Variants in CACNA1D observed in about 807,000 individuals in gnomAD.
The protein encoded by CACNA1D is calcium voltage-gated channel subunit alpha1 D.
Under a neutral mutation model 257.1 loss-of-function variants are expected in CACNA1D, and 55 were observed. That is an observed-to-expected ratio of 0.21 (90% CI 0.17 to 0.27). The LOEUF (loss-of-function observed/expected upper bound fraction) is 0.27, where lower values mean the gene tolerates loss of function less well. Ranked by LOEUF, CACNA1D falls within the 10% of genes least tolerant of loss-of-function variation. The probability of loss-of-function intolerance (pLI) is 1.00; values close to 1 mark genes in which losing one functional copy is unlikely to be tolerated. For missense variants in CACNA1D, 1,876 were observed against 2,784.0 expected, an observed-to-expected ratio of 0.67 and a Z score of 7.34; for synonymous variants, 980 against 1,014.9, an observed-to-expected ratio of 0.97 and a Z score of 0.65.
rs73086217 is a variant in CACNA1D, at chr3:53,561,357, C to A, written c.483+59637C>A. 2.2e-3 allele frequency among the ~76,000 whole-genome samples: 336 copies of A among 152,284 alleles called. 2 individuals are homozygous for A. The highest frequency in any genetic ancestry group is 2.7e-3 in the Non-Finnish European group (187 of 68,014). Reference sequence around the variant, plus strand: ...TCATGAATTATTGCATAACTCTGGGCAAACCTCTTCATTTCTCAAGGTCTT... The same window carrying A: ...TCATGAATTATTGCATAACTCTGGGAAAACCTCTTCATTTCTCAAGGTCTT... On this transcript the variant is annotated intron_variant, in intron 3 of 47. Coordinates refer to ENST00000350061, the MANE Select transcript of CACNA1D (RefSeq NM_001128840.3).
chr3:53,571,772 A>G (rs1405724020), intron 3 of CACNA1D, among the ~76,000 whole-genome samples: 8 of 152,072 alleles, frequency 5.3e-5, no homozygotes, highest in Admixed American at 3.9e-4. Context: ...TAAGACAATG[A>G]GTTTTATTGC....
chr3:53,640,464 C>T (rs1210896237), intron 3 of CACNA1D, among the ~76,000 whole-genome samples: 1 of 152,138 alleles, frequency 6.6e-6, no homozygotes, highest in Admixed American at 6.5e-5. Context: ...TTCTGTTTCT[C>T]CTTTTGTGTA....
At chr3:53,642,225 TC>T (rs1385258754) in intron 3 of CACNA1D, among the ~76,000 whole-genome samples, 1 of 152,214 alleles carries the variant, frequency 6.6e-6, no homozygotes, top group Admixed American at 6.5e-5. Context: ...TGGCTTGGCT[TC>T]CCTTGGTGGG....
intron 3 of CACNA1D, among the ~76,000 whole-genome samples, chr3:53,612,686 G>T (rs2093596052): frequency 6.6e-6 from 1 of 152,096 alleles, no homozygotes. Context: ...CTACATTCCA[G>T]ACTGTTTCCT....
At chr3:53,805,588 G>C (rs1480602396) in intron 45 of CACNA1D, among the ~76,000 whole-genome samples, 1 of 152,092 alleles carries the variant, frequency 6.6e-6, no homozygotes. Context: ...TGTGCCGCAG[G>C]CCTGTCTTGC....
At chr3:53,544,220 TTCTC>T (rs1575814323) in intron 3 of CACNA1D, among the ~76,000 whole-genome samples, 1 of 152,284 alleles carries the variant, frequency 6.6e-6, no homozygotes, top group East Asian at 1.9e-4. Flanking sequence ...CCCTCAGTCT[TTCTC>T]TCCTTCCCCA....
In CACNA1D at chr3:53,573,341, A is replaced by G. The variant is rs116252132; in HGVS notation, c.483+71621A>G. Reference sequence around the variant, plus strand: ...CTGTACCTTCCCCTCACTCCTCCACACTTGTCTCCTTGCTGTTCCTCAGCC... The same window carrying G: ...CTGTACCTTCCCCTCACTCCTCCACGCTTGTCTCCTTGCTGTTCCTCAGCC... On this transcript the variant is annotated intron_variant, in intron 3 of 47. Coordinates refer to ENST00000350061, the MANE Select transcript of CACNA1D (RefSeq NM_001128840.3). 5.4e-3 allele frequency among the ~76,000 whole-genome samples: 814 copies of G among 151,890 alleles called. 5 individuals carry two copies. Among genetic ancestry groups the G allele is most frequent in the Non-Finnish European group, 9.1e-3 (621 of 67,934 alleles).
chr3:53,787,285 C>G (rs2095459221), intron 40 of CACNA1D, among the ~76,000 whole-genome samples: 1 of 152,208 alleles, frequency 6.6e-6, no homozygotes, highest in South Asian at 2.1e-4. Flanking sequence ...GCCCTGGGCT[C>G]CAGGGTTCTG....
chr3:53,700,341 A>G (rs2094611506), intron 8 of CACNA1D, among the ~76,000 whole-genome samples: 2 of 152,070 alleles, frequency 1.3e-5, no homozygotes, highest in South Asian at 4.1e-4. Context: ...TTTCTGGTGA[A>G]TAATAGAACT....
chr3:53,694,782 C>T (rs1024625020), intron 8 of CACNA1D, among the ~76,000 whole-genome samples: 1 of 152,104 alleles, frequency 6.6e-6, no homozygotes, highest in African/African-American at 2.4e-5. Context: ...GTCGCTTTCC[C>T]CAGCTGTGCA....
At chr3:53,754,000 C>G (rs1021010265) in intron 29 of CACNA1D, among the ~76,000 whole-genome samples, 1 of 152,226 alleles carries the variant, frequency 6.6e-6, no homozygotes, top group African/African-American at 2.4e-5. Flanking sequence ...TCAGGGAAAC[C>G]TGCCTCATTA....
At chr3:53,511,123 G>A (rs1432098630) in intron 3 of CACNA1D, among the ~76,000 whole-genome samples, 2 of 152,100 alleles carry the variant, frequency 1.3e-5, no homozygotes, top group Non-Finnish European at 2.9e-5. Context: ...CTGATGTCCC[G>A]TGTTCTTATT....
At chr3:53,726,772 C>T (rs1159322336) in intron 14 of CACNA1D, 107 bp from the exon 15 acceptor site, 3 of 1,372,694 alleles carry the variant, frequency 2.2e-6, no homozygotes, top group Non-Finnish European at 3.1e-6. Context: ...GCAAACTGGA[C>T]TGTGAAAGGC....
At chr3:53,605,360 C>T (rs943201489) in intron 3 of CACNA1D, among the ~76,000 whole-genome samples, 3 of 152,066 alleles carry the variant, frequency 2.0e-5, no homozygotes, top group Non-Finnish European at 4.4e-5. Context: ...AATTATGTGC[C>T]CAAATGAGTG....
intron 2 of CACNA1D, among the ~76,000 whole-genome samples, chr3:53,500,499 G>A (rs1476442529): frequency 1.3e-5 from 2 of 151,838 alleles, no homozygotes; most frequent in African/African-American, 4.8e-5. Context: ...GGCATTTTTG[G>A]ATTTCCCAGA....
intron 8 of CACNA1D, chr3:53,674,139 G>T: frequency 8.6e-6 from 4 of 463,662 alleles, no homozygotes; most frequent in Non-Finnish European, 1.6e-5. Context: ...AGAGGCTTTT[G>T]TCCCTTGTCA....
intron 14 of CACNA1D, among the ~76,000 whole-genome samples, chr3:53,726,578 A>G (rs1172284381): frequency 3.3e-5 from 5 of 152,220 alleles, no homozygotes; most frequent in Non-Finnish European, 7.3e-5. Flanking sequence ...TGGAGGTTGC[A>G]GTGAGCTGAG....
In CACNA1D at chr3:53,673,724, G is replaced by A. The variant is rs370600782; in HGVS notation, c.1220+598G>A. ...CTTACATTTTACAGGTAAATGATGC[G>A]ATAGGATGGGAATGGCCATGGGTGT... On this transcript the variant is annotated intron_variant, in intron 8 of 47. Coordinates refer to ENST00000350061, the MANE Select transcript of CACNA1D (RefSeq NM_001128840.3). This position sits in a 1 kb window ranked among gnomAD's most constrained non-coding sequence, Gnocchi z 4.1. 9.9e-6 allele frequency: 16 copies of A among 1,611,224 alleles called. No individual in the cohort carries two copies. The highest frequency in any genetic ancestry group is 1.3e-5 in the African/African-American group (1 of 74,840).
chr3:53,713,748 C>T (rs1210046459), intron 9 of CACNA1D, among the ~76,000 whole-genome samples: 1 of 152,190 alleles, frequency 6.6e-6, no homozygotes, highest in East Asian at 1.9e-4. Flanking sequence ...TAAAGAGAAG[C>T]ACCATGACCC....
Sources: allele counts gnomAD v4.1 joint callset (sites outside exome capture counted in the v4.1 genomes callset), GRCh38; gene constraint gnomAD v4.1.1; non-coding constraint Gnocchi (gnomAD v3.1); transcripts MANE v1.5; gene names NCBI Gene and HGNC (gene_info 2026-07-23, HGNC 2026-07-21).